The following SFT2D1 variants were observed in gnomAD, a reference collection of about 807,000 sequenced individuals.
SFT2D1 encodes SFT2 domain containing 1, also known as vesicle transport protein SFT2A.
SFT2D1 carries 24 observed loss-of-function variants against 28.1 expected under a neutral mutation model. That is an observed-to-expected ratio of 0.85 (90% confidence interval 0.62 to 1.20). The LOEUF (loss-of-function observed/expected upper bound fraction) is 1.20. SFT2D1 is among the 50% of genes most tolerant of loss of function. The pLI is 0.00. For synonymous variants in SFT2D1, 82 were observed against 73.7 expected (o/e 1.11, Z -0.58); for missense variants, 181 against 190.9 (o/e 0.95, Z 0.31).
chr6:166,323,644 C>G (rs1610311), intron 6 of SFT2D1: 140,279 of 152,310 alleles, frequency 0.92, 64,772 homozygotes, highest in East Asian at 1. Flanking sequence ...ACAAGGAGGA[C>G]AGTCTGAGCA....
intron 1 of SFT2D1, chr6:166,331,439 CTAAG>C (rs1320691831): frequency 6.6e-6 from 1 of 152,608 alleles, no homozygotes; most frequent in African/African-American, 2.4e-5. Context: ...ATAAAAATAA[CTAAG>C]TATTCTGTAA....
chr6:166,334,907 G>A (rs567024098), intron 1 of SFT2D1: 11 of 420,374 alleles, frequency 2.6e-5, no homozygotes, highest in African/African-American at 8.2e-5. Flanking sequence ...ATTTGCTGGC[G>A]GCATTAAAGA....
intron 1 of SFT2D1, chr6:166,331,537 T>A (rs973691681): frequency 5.2e-5 from 8 of 152,624 alleles, no homozygotes; most frequent in Admixed American, 5.2e-4. Context: ...GTCATCTGTT[T>A]ATGGCAAAAC....
intron 1 of SFT2D1, among the ~76,000 whole-genome samples, chr6:166,332,906 G>T (rs1267109089): frequency 6.6e-6 from 1 of 152,194 alleles, no homozygotes; most frequent in African/African-American, 2.4e-5. Flanking sequence ...CTGAATGAGT[G>T]GCTCCCACAG....
intron 1 of SFT2D1, among the ~76,000 whole-genome samples, chr6:166,338,893 G>A (rs1043100162): frequency 3.3e-5 from 5 of 152,166 alleles, no homozygotes; most frequent in African/African-American, 4.8e-5. Flanking sequence ...GCCTCTCCCC[G>A]GGGCTCAAAG....
intron 1 of SFT2D1, among the ~76,000 whole-genome samples, chr6:166,339,056 C>A (rs554355360): frequency 6.6e-6 from 1 of 152,130 alleles, no homozygotes; most frequent in African/African-American, 2.4e-5. Flanking sequence ...CTGCACAAGA[C>A]GTGCAACACT....
chr6:166,322,174 C>T (rs1052732822), intron 7 of SFT2D1, among the ~76,000 whole-genome samples: 4 of 152,132 alleles, frequency 2.6e-5, no homozygotes, highest in African/African-American at 9.7e-5. Flanking sequence ...TGAGCCACCG[C>T]ACCCAGCCGT....
chr6:166,342,435 T>G lies in SFT2D1; in HGVS notation c.47A>C (p.Gln16Pro). Reference protein sequence around the residue: ...RVLSGQDDEEQGLTAQVLDAS... With the variant: ...RVLSGQDDEEPGLTAQVLDAS... ...GTTCGCTACCTGCGCAGTCAGGCCCTGCTCCTCGTCGTCCTGGCCGCTCAG... is the reference window on the plus strand; with the variant it reads ...GTTCGCTACCTGCGCAGTCAGGCCCGGCTCCTCGTCGTCCTGGCCGCTCAG... Residue 16 changes from glutamine (Q) to proline (P), a missense_variant, in exon 1 of 8, where the codon CAG becomes CCG. Gln to Pro is a moderately conservative substitution (Grantham distance 76). Transcript: ENST00000361731. The G allele has an allele frequency of 6.4e-7, 1 of 1,561,088 alleles. No individual in the cohort carries two copies. The highest frequency in any genetic ancestry group is 8.7e-7 in the Non-Finnish European group (1 of 1,153,338).
In SFT2D1 at chr6:166,324,540, G is replaced by C. The variant is rs374675377; in HGVS notation, c.407C>G (p.Thr136Ser). 35 of 1,611,702 alleles carry C rather than the reference G, an allele frequency of 2.2e-5. No individual in the cohort carries two copies. The African/African-American group carries it at 3.7e-4, about 17-fold the overall frequency. ...LFCILQFLSM[T>S]WYSLSYIPYA... ...ACTAGGGTAAGGAAAGACTTACCAG[G>C]TCATTGACAAGAACTGCAATATGCA... The change falls in exon 6 of 8, where the codon ACC (threonine) becomes AGC (serine). Residue 136 changes from threonine to serine, a missense_variant. Transcript: ENST00000361731.
intron 1 of SFT2D1, among the ~76,000 whole-genome samples, chr6:166,333,206 C>T (rs57256019): frequency 7.0e-4 from 107 of 152,312 alleles, no homozygotes; most frequent in African/African-American, 2.4e-3. Context: ...CAGAACCGCC[C>T]GCTCCCCACA....
At chr6:166,335,887 A>G (rs1286995879) in intron 1 of SFT2D1, among the ~76,000 whole-genome samples, 1 of 152,218 alleles carries the variant, frequency 6.6e-6, no homozygotes, top group Non-Finnish European at 1.5e-5. Context: ...CAAAGAAGAT[A>G]TGTTTTAGAC....
chr6:166,335,311 TA>T, intron 1 of SFT2D1: 1 of 578,420 alleles, frequency 1.7e-6, no homozygotes, highest in Non-Finnish European at 3.3e-6. Context: ...GGGATGGCTG[TA>T]ATGGATTTGG....
At chr6:166,321,198 C>A (rs533641064) in intron 7 of SFT2D1, among the ~76,000 whole-genome samples, 2 of 152,022 alleles carry the variant, frequency 1.3e-5, no homozygotes, top group Non-Finnish European at 2.9e-5. Flanking sequence ...TGAAGTGTGA[C>A]CTTTCATATT....
chr6:166,332,156 A>G (rs961162847), intron 1 of SFT2D1, among the ~76,000 whole-genome samples: 2 of 152,254 alleles, frequency 1.3e-5, no homozygotes, highest in African/African-American at 2.4e-5. Flanking sequence ...ATACGAAACA[A>G]CTATACAGAT....
chr6:166,325,625 C>A (rs891541074), intron 5 of SFT2D1, among the ~76,000 whole-genome samples: 3 of 152,252 alleles, frequency 2.0e-5, no homozygotes, highest in Non-Finnish European at 4.4e-5. Context: ...AGACTCACAG[C>A]GCACCCCTGC....
intron 5 of SFT2D1, among the ~76,000 whole-genome samples, chr6:166,325,677 C>T (rs915857328): frequency 1.3e-5 from 2 of 152,258 alleles, no homozygotes; most frequent in African/African-American, 4.8e-5. Context: ...CAGGGCCCTT[C>T]ACCACACCGG....
At chr6:166,333,232 C>CA (rs1376467404) in intron 1 of SFT2D1, among the ~76,000 whole-genome samples, 2 of 152,312 alleles carry the variant, frequency 1.3e-5, no homozygotes, top group African/African-American at 4.8e-5. Context: ...TGCTGGGGTC[C>CA]ACACTTTCTC....
intron 7 of SFT2D1, among the ~76,000 whole-genome samples, chr6:166,321,638 G>C (rs993443953): frequency 2.6e-5 from 4 of 152,104 alleles, no homozygotes; most frequent in African/African-American, 9.7e-5. Context: ...TCGTATTAAA[G>C]ACAATTTTGC....
chr6:166,341,582 C>T (rs1778783021), intron 1 of SFT2D1, among the ~76,000 whole-genome samples: 1 of 152,006 alleles, frequency 6.6e-6, no homozygotes, highest in Non-Finnish European at 1.5e-5. Context: ...CTACCCACAC[C>T]AAGTGCTGAG....
Sources: allele counts gnomAD v4.1 joint callset (sites outside exome capture counted in the v4.1 genomes callset), GRCh38; gene constraint gnomAD v4.1.1; transcripts MANE v1.5; gene names NCBI Gene and HGNC (gene_info 2026-07-23, HGNC 2026-07-21).